Variants in PTH1R observed in about 807,000 individuals in gnomAD.
PTH1R encodes parathyroid hormone/parathyroid hormone-related peptide receptor.
Under a neutral mutation model 70.7 loss-of-function variants are expected in PTH1R, and 32 were observed. The observed-to-expected ratio is 0.45, with a 90% CI of 0.34 to 0.61. PTH1R has a LOEUF of 0.61. PTH1R is among the 20% of genes least tolerant of loss of function. The pLI, the probability that PTH1R is intolerant of heterozygous loss-of-function variation, is 0.01. For missense variants in PTH1R, 626 were observed against 792.5 expected, an observed-to-expected ratio of 0.79 and a Z score of 2.52; for synonymous variants, 329 against 324.8, an observed-to-expected ratio of 1.01 and a Z score of -0.14.
Position 46,899,336 on chromosome 3 carries a change from T to C in PTH1R, c.868T>C (p.Tyr290His). ...GCRVAVTFFL[Y>H]FLATNYYWIL... ...CAGGGTGGCTGTGACCTTCTTCCTT[T>C]ACTTCCTGGCCACCAACTACTACTG... The change falls in exon 10 of 16, where the codon TAC (tyrosine) becomes CAC (histidine). Residue 290 changes from tyrosine to histidine, a missense_variant. Physicochemically the swap from Tyr to His is moderately conservative, Grantham distance 83. Around this residue, in one of 3 missense-constraint regions of PTH1R, gnomAD observed 495 missense variants for 638.7 expected, o/e 0.77. Transcript: ENST00000449590. 6.2e-7 allele frequency: 1 copy of C among 1,614,056 alleles called. No individual in the cohort carries two copies. The highest frequency in any genetic ancestry group is 1.1e-5 in the South Asian group (1 of 91,072).
At chr3:46,885,969 T>TG (rs1405933442) in intron 3 of PTH1R, among the ~76,000 whole-genome samples, 1 of 152,192 alleles carries the variant, frequency 6.6e-6, no homozygotes, top group Non-Finnish European at 1.5e-5. Context: ...ACCTCACATT[T>TG]GGGGGGCCAA....
In PTH1R at chr3:46,897,886, C is replaced by T. The variant is rs1209107127; in HGVS notation, c.345C>T (p.Ile115=). Residue 115 remains isoleucine (I), a synonymous_variant, in exon 6 of 16, where the codon ATC becomes ATT. Transcript: ENST00000449590. ...GRPCLPEWDH[I]LCWPLGAPGE... ...CCTGTCTGCCGGAATGGGACCACAT[C>T]CTGTGCTGGCCGCTGGGGGCACCAG... 1 of 1,613,606 alleles carries T rather than the reference C, an allele frequency of 6.2e-7. No individual in the cohort carries two copies. Among genetic ancestry groups the T allele is most frequent in the Admixed American group, 1.7e-5 (1 of 60,008 alleles).
intron 7 of PTH1R, 65 bp downstream of exon 7, chr3:46,898,257 T>TA: frequency 6.3e-7 from 1 of 1,589,576 alleles, no homozygotes; most frequent in Non-Finnish European, 8.6e-7. Context: ...GGGTGACCCC[T>TA]GACCCAGCCC....
chr3:46,899,236 C>T (rs1477382082), intron 9 of PTH1R, 67 bp from the exon 10 acceptor site: 1 of 1,606,976 alleles, frequency 6.2e-7, no homozygotes, highest in Non-Finnish European at 8.5e-7. Context: ...CGCCCCAGCC[C>T]CCCAGCCCAG....
chr3:46,900,151 G>A (rs2032032075), intron 10 of PTH1R, among the ~76,000 whole-genome samples: 1 of 152,168 alleles, frequency 6.6e-6, no homozygotes, highest in South Asian at 2.1e-4. Context: ...TCAGCACCCA[G>A]AGGCCCACAG....
rs1011091604 is a variant in PTH1R, at chr3:46,893,485, G to A, written c.76-422G>A. The stretch of plus-strand genomic sequence containing the variant: ...ACTTGAAGGACTCCAGGCTGGGTTT[G>A]TCTCCCCACAGTTCACCACTCCTTA... On this transcript the variant is annotated intron_variant, in intron 3 of 15. Coordinates refer to ENST00000449590, the MANE Select transcript of PTH1R (RefSeq NM_000316.3). This position sits in a 1 kb window ranked among gnomAD's most constrained non-coding sequence, Gnocchi z 5.2. Among the ~76,000 whole-genome samples the A allele has an allele frequency of 6.6e-6, 1 of 152,124 alleles. No homozygotes were observed. Among genetic ancestry groups the A allele is most frequent in the Non-Finnish European group, 1.5e-5 (1 of 68,010 alleles).
At chr3:46,895,525 C>T (rs963549585) in intron 4 of PTH1R, among the ~76,000 whole-genome samples, 14 of 152,046 alleles carry the variant, frequency 9.2e-5, no homozygotes, top group African/African-American at 2.2e-4. Flanking sequence ...GGACAATCTC[C>T]ACCTCCTCTT....
chr3:46,901,453 C>A lies in PTH1R; in HGVS notation c.1089C>A (p.Ile363=). The change falls in exon 12 of 16, where the codon ATC becomes ATA. Residue 363 remains isoleucine (I), a synonymous_variant. Transcript: ENST00000449590. The surrounding 1 kb of genome is among the most constrained non-coding windows in gnomAD (Gnocchi z 7.3). ...DLSSGNKKWI[I]QVPILASIVL... ...GCTCCGGGAACAAAAAGTGGATCAT[C>A]CAGGTGCCCATCCTGGCCTCCATTG... 1 of 1,576,062 alleles carries A rather than the reference C, an allele frequency of 6.3e-7. No homozygotes were observed. Among genetic ancestry groups the A allele is most frequent in the Non-Finnish European group, 8.6e-7 (1 of 1,160,136 alleles).
intron 3 of PTH1R, among the ~76,000 whole-genome samples, chr3:46,889,763 G>C (rs960266104): frequency 5.3e-5 from 8 of 152,252 alleles, no homozygotes; most frequent in African/African-American, 1.9e-4. Context: ...GCCTGTAAGT[G>C]GTGGGTATGG....
Position 46,882,148 on chromosome 3 carries a change from G to C in PTH1R, c.-49+1030G>C, listed in dbSNP as rs930218829. On this transcript the variant is annotated intron_variant, in intron 2 of 15. Transcript: ENST00000449590. This position sits in a 1 kb window ranked among gnomAD's most constrained non-coding sequence, Gnocchi z 4.3. ...GGGCGGGGGGCGGAAGGCTCCTCTC[G>C]GCCTCTCCACACTCCCGCGTCGGCG... 1.3e-5 allele frequency: 2 copies of C among 151,014 alleles called. No individual in the cohort carries two copies. Among genetic ancestry groups the C allele is most frequent in the South Asian group, 4.2e-4 (2 of 4,758 alleles). The allele number at this position is 151,014 out of a possible 1,614,324, so 9.4% of individuals were successfully genotyped here.
rs958364766 is a variant in PTH1R, at chr3:46,884,331, G to A, written c.75+697G>A. Among the ~76,000 whole-genome samples, 2 of 152,196 alleles carry A rather than the reference G, an allele frequency of 1.3e-5. No individual in the cohort carries two copies. The highest frequency in any genetic ancestry group is 4.8e-5 in the African/African-American group (2 of 41,428). On this transcript the variant is annotated intron_variant, in intron 3 of 15. Transcript: ENST00000449590. This position sits in a 1 kb window ranked among gnomAD's most constrained non-coding sequence, Gnocchi z 4.8. ...GACCTAAAAGCAGAATGGTAGGGAA[G>A]GCTAGAGGGAGAGGAGAGACAGAGA...
rs1381666362 is a variant in PTH1R, at chr3:46,901,751, C to T, written c.1117-15C>T. 6.2e-7 allele frequency: 1 copy of T among 1,611,654 alleles called. No homozygotes were observed. The highest frequency in any genetic ancestry group is 8.5e-7 in the Non-Finnish European group (1 of 1,177,864). On this transcript the variant is annotated splice_polypyrimidine_tract_variant and intron_variant, in intron 12 of 15. Transcript: ENST00000449590. This position sits in a 1 kb window ranked among gnomAD's most constrained non-coding sequence, Gnocchi z 7.3. Reference sequence around the variant, plus strand: ...TAGGGTGCAGCCTCCAGACGCAGCCCCCTCACTCCCACAGCTCAACTTCAT... The same window carrying T: ...TAGGGTGCAGCCTCCAGACGCAGCCTCCTCACTCCCACAGCTCAACTTCAT...
intron 8 of PTH1R, 41 bp downstream of exon 8, chr3:46,898,513 G>C (rs758659459): frequency 2.2e-5 from 35 of 1,608,458 alleles, no homozygotes; most frequent in Non-Finnish European, 2.7e-5. Context: ...CATGGTGGAG[G>C]GGGGGCGGTG....
chr3:46,880,733 G>T (rs2030499492), intron 1 of PTH1R, among the ~76,000 whole-genome samples: 1 of 150,966 alleles, frequency 6.6e-6, no homozygotes, highest in South Asian at 2.1e-4. Context: ...TCTTGAAGAA[G>T]AAGAAGAAGG....
In PTH1R at chr3:46,901,096, G is replaced by A. The variant is rs1237267778; in HGVS notation, c.1049+11G>A. 5 of 1,571,294 alleles carry A rather than the reference G, an allele frequency of 3.2e-6. No individual in the cohort carries two copies. The highest frequency in any genetic ancestry group is 1.7e-4 in the Middle Eastern group (1 of 6,010). ...CCTGGCCAACACCGGGTAGGTCCAG[G>A]TGGAGAAGGGGCCCAGGCAAGAAGC... is the stretch of plus-strand genomic sequence containing the variant. On this transcript the variant is annotated intron_variant, in intron 11 of 15. Coordinates refer to ENST00000449590, the MANE Select transcript of PTH1R (RefSeq NM_000316.3). The surrounding 1 kb of genome is among the most constrained non-coding windows in gnomAD (Gnocchi z 7.3).
At chr3:46,895,678 C>T (rs1356399397) in intron 4 of PTH1R, 57 bp from the exon 5 acceptor site, 1 of 1,613,112 alleles carries the variant, frequency 6.2e-7, no homozygotes, top group East Asian at 2.2e-5. Flanking sequence ...AAAGAGTACC[C>T]TGGGTCTCCT....
rs1056347358 is a variant in PTH1R at position 46,903,168 on chromosome 3, C to T, written c.1396-102C>T. 2 of 1,554,252 alleles carry T rather than the reference C, an allele frequency of 1.3e-6. No individual in the cohort carries two copies. The highest frequency in any genetic ancestry group is 2.7e-5 in the African/African-American group (2 of 73,230). ...TTGGCCTTGGAGTTTCCCAGGAGTC[C>T]CCTATTCCCATTTTCATTCCGTGCT... On this transcript the variant is annotated intron_variant, in intron 15 of 15. Coordinates refer to ENST00000449590, the MANE Select transcript of PTH1R (RefSeq NM_000316.3). This position sits in a 1 kb window ranked among gnomAD's most constrained non-coding sequence, Gnocchi z 4.4.
intron 10 of PTH1R, among the ~76,000 whole-genome samples, chr3:46,900,450 G>A (rs951318740): frequency 3.9e-5 from 6 of 152,164 alleles, no homozygotes; most frequent in Non-Finnish European, 8.8e-5. Context: ...GGGAGGACCT[G>A]GGGCTCCCTT....
At chr3:46,897,127 G>C (rs1337693162) in intron 5 of PTH1R, among the ~76,000 whole-genome samples, 1 of 152,220 alleles carries the variant, frequency 6.6e-6, no homozygotes, top group African/African-American at 2.4e-5. Flanking sequence ...GGGAGAGTTA[G>C]TCTGGGTACT....
Sources: gnomAD v4.1 joint callset for allele counts (sites outside exome capture counted in the v4.1 genomes callset) on GRCh38, gnomAD v4.1.1 for gene constraint, gnomAD v4.1.1 regional missense constraint, Gnocchi (gnomAD v3.1) non-coding constraint, MANE v1.5 for transcripts, NCBI Gene and HGNC (gene_info 2026-07-23, HGNC 2026-07-21) for gene names.